TCF7L1: variants seen among roughly 807,000 people sequenced by gnomAD.
The protein encoded by TCF7L1 is transcription factor 7 like 1.
In TCF7L1, 18 loss-of-function variants were observed where a neutral mutation model predicts 63.7. The ratio of observed to expected loss-of-function variants is 0.28; its 90% CI spans 0.20 to 0.42. The LOEUF (loss-of-function observed/expected upper bound fraction) is 0.42, where lower values mean the gene tolerates loss of function less well. Among genes scored for constraint, TCF7L1 ranks in the 10% least tolerant of loss-of-function variants. TCF7L1 has a pLI of 1.00. For missense variants in TCF7L1, 654 were observed against 779.3 expected (o/e 0.84, Z 1.91); for synonymous variants, 355 against 340.9 (o/e 1.04, Z -0.46).
chr2:85,264,011 G>A (rs950037003), intron 3 of TCF7L1, among the ~76,000 whole-genome samples: 1 of 152,260 alleles, frequency 6.6e-6, no homozygotes, highest in African/African-American at 2.4e-5. Context: ...GCAGGTGGCA[G>A]TGGGCCGAAT....
chr2:85,153,640 T>C (rs1432806331), intron 3 of TCF7L1, among the ~76,000 whole-genome samples: 1 of 152,100 alleles, frequency 6.6e-6, no homozygotes, highest in Admixed American at 6.6e-5. Flanking sequence ...TGCACCCGGC[T>C]AGCCTCTATA....
At chr2:85,192,447 G>T (rs1679056090) in intron 3 of TCF7L1, among the ~76,000 whole-genome samples, 2 of 152,042 alleles carry the variant, frequency 1.3e-5, no homozygotes, top group South Asian at 4.1e-4. Flanking sequence ...CCAGGCAGTG[G>T]TGTGATGTTG....
intron 3 of TCF7L1, among the ~76,000 whole-genome samples, chr2:85,160,186 T>C (rs1678253590): frequency 6.6e-6 from 1 of 152,196 alleles, no homozygotes; most frequent in African/African-American, 2.4e-5. Flanking sequence ...GTGCCACCCC[T>C]TTGTAGTCAT....
intron 3 of TCF7L1, among the ~76,000 whole-genome samples, chr2:85,181,505 G>A (rs767333090): frequency 6.6e-6 from 1 of 152,182 alleles, no homozygotes; most frequent in East Asian, 1.9e-4. Context: ...GTGTGACTGT[G>A]TGGTGGCCAG....
At chr2:85,152,791 T>C (rs2568225) in intron 3 of TCF7L1, among the ~76,000 whole-genome samples, 84,419 of 151,652 alleles carry the variant, frequency 0.56, 23,986 homozygotes, top group East Asian at 0.86. Context: ...TCAATCCCCC[T>C]ACTTAATAGT....
At position 85,157,893 on chromosome 2, in the gene TCF7L1, C is replaced by T. The variant is rs114135386; in HGVS notation, c.441+23443C>T. Among the ~76,000 whole-genome samples, 520 of 152,238 alleles carry T rather than the reference C, an allele frequency of 3.4e-3. 1 individual carries two copies. The highest frequency in any genetic ancestry group is 0.012 in the African/African-American group (481 of 41,564). ...CTCCTTCCCTCCTTAAGGGAGGTCTCGGGGTTAATGCGAGGTGAGGGGCAG... is the reference window on the plus strand; with the variant it reads ...CTCCTTCCCTCCTTAAGGGAGGTCTTGGGGTTAATGCGAGGTGAGGGGCAG... On this transcript the variant is annotated intron_variant, in intron 3 of 11. Transcript: ENST00000282111.
At chr2:85,230,355 C>G (rs1270170095) in intron 3 of TCF7L1, among the ~76,000 whole-genome samples, 1 of 152,156 alleles carries the variant, frequency 6.6e-6, no homozygotes, top group African/African-American at 2.4e-5. Flanking sequence ...TTTTTTGAGA[C>G]AGAGTTTCAC....
Position 85,302,464 on chromosome 2 carries a change from GTC to G in TCF7L1, c.526-18_526-17del, listed in dbSNP as rs1461548858. On this transcript the variant is annotated intron_variant, in intron 4 of 11. Coordinates refer to ENST00000282111, the MANE Select transcript of TCF7L1 (RefSeq NM_031283.3). The stretch of plus-strand genomic sequence containing the variant: ...TCCATCTCCTTGGCAACCATTCCTG[GTC>G]TTTTTTGTCTCTTTCAGTCTAATAA... 5 of 1,613,974 alleles carry G rather than the reference GTC, an allele frequency of 3.1e-6. No individual in the cohort carries two copies. In the Admixed American group the frequency reaches 6.7e-5, roughly 22 times the overall value.
intron 3 of TCF7L1, among the ~76,000 whole-genome samples, chr2:85,243,415 G>A (rs1394022687): frequency 2.0e-5 from 3 of 152,134 alleles, no homozygotes; most frequent in Non-Finnish European, 4.4e-5. Flanking sequence ...TCCCTTACTC[G>A]TGAAGTGGCC....
intron 3 of TCF7L1, among the ~76,000 whole-genome samples, chr2:85,218,935 A>G (rs1393935082): frequency 6.6e-6 from 1 of 152,194 alleles, no homozygotes; most frequent in African/African-American, 2.4e-5. Flanking sequence ...ATGCTGAAGC[A>G]GGAGGATCAC....
intron 3 of TCF7L1, among the ~76,000 whole-genome samples, chr2:85,229,332 C>T (rs1277550326): frequency 6.6e-6 from 1 of 151,530 alleles, no homozygotes; most frequent in South Asian, 2.1e-4. Context: ...GGAGACAGAG[C>T]GAGACTCCGT....
chr2:85,283,469 C>T, intron 3 of TCF7L1, 26 bp from the exon 4 acceptor site: 1 of 1,613,756 alleles, frequency 6.2e-7, no homozygotes, highest in African/African-American at 1.3e-5. Context: ...TCACCAACAG[C>T]TTTTTCTTTT....
At chr2:85,138,971 A>G (rs1431304485) in intron 3 of TCF7L1, among the ~76,000 whole-genome samples, 1 of 151,732 alleles carries the variant, frequency 6.6e-6, no homozygotes, top group African/African-American at 2.4e-5. Context: ...TTACATGCCA[A>G]CCTAGGGAAA....
intron 3 of TCF7L1, among the ~76,000 whole-genome samples, chr2:85,272,180 T>C (rs1681166410): frequency 1.3e-5 from 2 of 152,184 alleles, no homozygotes; most frequent in South Asian, 2.1e-4. Context: ...AGCCATATAA[T>C]TGGGTGGCCC....
chr2:85,145,703 GC>G (rs1677865341), intron 3 of TCF7L1, among the ~76,000 whole-genome samples: 1 of 152,204 alleles, frequency 6.6e-6, no homozygotes, highest in Non-Finnish European at 1.5e-5. Context: ...TTGTTGACCT[GC>G]CCAAGGGCAA....
At chr2:85,236,327 G>A (rs1317349264) in intron 3 of TCF7L1, among the ~76,000 whole-genome samples, 1 of 152,154 alleles carries the variant, frequency 6.6e-6, no homozygotes, top group Non-Finnish European at 1.5e-5. Flanking sequence ...TCTTTGCTTT[G>A]AGATGACCTG....
chr2:85,303,840 T>C, intron 5 of TCF7L1, 55 bp from the exon 6 acceptor site: 1 of 1,374,512 alleles, frequency 7.3e-7, no homozygotes, highest in Non-Finnish European at 1.0e-6. Context: ...TGATGTTCGT[T>C]AAGGTGCTCT....
intron 3 of TCF7L1, among the ~76,000 whole-genome samples, chr2:85,261,717 C>A (rs909322219): frequency 7.5e-6 from 1 of 133,352 alleles, no homozygotes; most frequent in African/African-American, 2.5e-5. Context: ...ATAGCAAGAT[C>A]CCATCTGTTA....
intron 4 of TCF7L1, among the ~76,000 whole-genome samples, chr2:85,291,294 A>G (rs533336796): frequency 6.6e-6 from 1 of 152,366 alleles, no homozygotes; most frequent in East Asian, 1.9e-4. Flanking sequence ...TACTACAAGC[A>G]GTAAGGAGAA....
Sources: allele counts gnomAD v4.1 joint callset (sites outside exome capture counted in the v4.1 genomes callset), GRCh38; gene constraint gnomAD v4.1.1; transcripts MANE v1.5; gene names NCBI Gene and HGNC (gene_info 2026-07-23, HGNC 2026-07-21).